Variants in USP53 observed in about 807,000 individuals in gnomAD.
USP53 encodes ubiquitin carboxyl-terminal hydrolase 53.
In USP53, 71 loss-of-function variants were observed where a neutral mutation model predicts 94.9. The observed-to-expected ratio is 0.75, with a 90% CI of 0.62 to 0.91. USP53 has a LOEUF of 0.91. Among genes scored for constraint, USP53 ranks in the 40% least tolerant of loss-of-function variants. The pLI is 0.00. For missense variants in USP53, 1,173 were observed against 1,281.0 expected (o/e 0.92, Z 1.29); for synonymous variants, 375 against 422.7 (o/e 0.89, Z 1.39).
intron 16 of USP53, chr4:119,273,358 T>C: frequency 4.4e-6 from 1 of 226,366 alleles, no homozygotes; most frequent in Non-Finnish European, 8.6e-6. Context: ...TTATAATTCT[T>C]CTTGGAATGG....
At position 119,282,127 on chromosome 4, in the gene USP53, T is replaced by C. The variant is rs1753576974; in HGVS notation, c.2251+8419T>C. 2.0e-5 allele frequency among the ~76,000 whole-genome samples: 3 copies of C among 152,158 alleles called. No individual in the cohort carries two copies. The South Asian group carries it at 6.2e-4, about 32-fold the overall frequency. ...GCATGATGACTTCAGGGTTCCTCCATGTTGTAGATGTATCAGAATCTCATT... is the reference window on the plus strand; with the variant it reads ...GCATGATGACTTCAGGGTTCCTCCACGTTGTAGATGTATCAGAATCTCATT... On this transcript the variant is annotated intron_variant, in intron 17 of 18. Transcript: ENST00000692078.
rs112013668 is a variant in USP53 at position 119,215,962 on chromosome 4, A to G, written c.-788-1588A>G. Among the ~76,000 whole-genome samples, 1,158 of 152,340 alleles carry G rather than the reference A, an allele frequency of 7.6e-3. 15 individuals carry two copies. Among genetic ancestry groups the G allele is most frequent in the African/African-American group, 0.027 (1,104 of 41,568 alleles). On this transcript the variant is annotated intron_variant, in intron 2 of 18. Coordinates refer to ENST00000692078, the MANE Select transcript of USP53 (RefSeq NM_001371395.1). ...CATATTACAAAAAAGAAGTTTTAAG[A>G]AATACCCTTCCTTTGGAAGTTTTTT...
At chr4:119,232,531 A>G (rs1746200680) in intron 3 of USP53, among the ~76,000 whole-genome samples, 1 of 152,098 alleles carries the variant, frequency 6.6e-6, no homozygotes, top group Non-Finnish European at 1.5e-5. Context: ...TTGTTTATCC[A>G]TTGATTGGTT....
At chr4:119,220,331 ACT>A (rs1744345119) in intron 3 of USP53, 1 of 152,248 alleles carries the variant, frequency 6.6e-6, no homozygotes, top group South Asian at 2.1e-4. Context: ...TGCACTATTA[ACT>A]CTTTTAGGAA....
chr4:119,286,371 T>A (rs1182698689), intron 17 of USP53, among the ~76,000 whole-genome samples: 1 of 151,892 alleles, frequency 6.6e-6, no homozygotes, highest in Non-Finnish European at 1.5e-5. Flanking sequence ...ACTGAGTTTT[T>A]TTTTTCTGTG....
intron 17 of USP53, among the ~76,000 whole-genome samples, chr4:119,285,541 G>C (rs1441416771): frequency 6.6e-6 from 1 of 151,768 alleles, no homozygotes; most frequent in African/African-American, 2.4e-5. Flanking sequence ...TTAAAAATCT[G>C]TTAAGTCCCT....
chr4:119,248,312 G>A (rs1748520206), intron 6 of USP53, among the ~76,000 whole-genome samples: 1 of 148,188 alleles, frequency 6.7e-6, no homozygotes, highest in Non-Finnish European at 1.5e-5. Flanking sequence ...GGTGGGACCT[G>A]GGAACCCTAT....
intron 3 of USP53, among the ~76,000 whole-genome samples, chr4:119,232,271 C>T (rs985235471): frequency 3.3e-5 from 5 of 152,108 alleles, no homozygotes; most frequent in African/African-American, 9.7e-5. Context: ...CTATCTTTAA[C>T]GATCACCCCT....
At chr4:119,222,104 G>GAT (rs1744614338) in intron 3 of USP53, among the ~76,000 whole-genome samples, 1 of 152,000 alleles carries the variant, frequency 6.6e-6, no homozygotes, top group African/African-American at 2.4e-5. Context: ...TATGATGGTG[G>GAT]ATATAGGTTT....
At position 119,292,987 on chromosome 4, in the gene USP53, T is replaced by A; in HGVS notation, c.2998T>A (p.Ser1000Thr). 6.2e-7 allele frequency: 1 copy of A among 1,614,148 alleles called. No individual in the cohort carries two copies. The highest frequency in any genetic ancestry group is 8.5e-7 in the Non-Finnish European group (1 of 1,179,986). ...TTTTGGCAACACACCAAACTGTCCA[T>A]CCAGCTCCTCAACTAACGATTTTCA... ...ECFGNTPNCP[S>T]SSSTNDFQAN... Residue 1000 changes from serine (S) to threonine (T), a missense_variant, in exon 19 of 19, where the codon TCC (serine) becomes ACC (threonine). Ser to Thr is a moderately conservative substitution (Grantham distance 58). Coordinates refer to ENST00000692078, the MANE Select transcript of USP53 (RefSeq NM_001371395.1).
intron 6 of USP53, among the ~76,000 whole-genome samples, chr4:119,247,092 C>T (rs187799187): frequency 1.4e-4 from 22 of 152,128 alleles, no homozygotes; most frequent in Admixed American, 7.2e-4. Flanking sequence ...AAGAATGAAC[C>T]TAGATCACAT....
chr4:119,249,084 TTTG>T (rs1204841531), intron 7 of USP53, among the ~76,000 whole-genome samples: 1 of 152,252 alleles, frequency 6.6e-6, no homozygotes, highest in Non-Finnish European at 1.5e-5. Flanking sequence ...TTTGATTATT[TTTG>T]TTGCTCTAAT....
intron 11 of USP53, among the ~76,000 whole-genome samples, chr4:119,261,027 T>C (rs1441734045): frequency 6.9e-6 from 1 of 145,244 alleles, no homozygotes; most frequent in African/African-American, 2.5e-5. Context: ...TGGTGCAATC[T>C]TGGCTCACTA....
Position 119,256,507 on chromosome 4 carries a change from T to A in USP53, c.553T>A (p.Ser185Thr). The A allele has an allele frequency of 6.2e-7, 1 of 1,614,138 alleles. No individual in the cohort carries two copies. The highest frequency in any genetic ancestry group is 8.5e-7 in the Non-Finnish European group (1 of 1,179,996). The change falls in exon 9 of 19, where the codon TCT (serine) becomes ACT (threonine). Residue 185 changes from serine (S) to threonine (T), a missense_variant. By Grantham distance (58) the Ser-to-Thr change is moderately conservative (BLOSUM62 1). Coordinates refer to ENST00000692078, the MANE Select transcript of USP53 (RefSeq NM_001371395.1). ...LPFTEFVRYI[S>T]TTALCNEVER... is the part of the protein sequence containing the mutation. ...TTTTACAGAATTTGTGCGGTACATTTCTACAACAGCCTTATGGTAAGAACC... is the reference window on the plus strand; with the variant it reads ...TTTTACAGAATTTGTGCGGTACATTACTACAACAGCCTTATGGTAAGAACC...
intron 9 of USP53, among the ~76,000 whole-genome samples, chr4:119,258,301 T>C (rs1750030954): frequency 6.6e-6 from 1 of 152,212 alleles, no homozygotes; most frequent in South Asian, 2.1e-4. Flanking sequence ...TAGGGCTTTC[T>C]AGTGTACTCT....
At chr4:119,244,357 T>C (rs568866815) in intron 5 of USP53, among the ~76,000 whole-genome samples, 36 of 152,138 alleles carry the variant, frequency 2.4e-4, no homozygotes, top group Non-Finnish European at 4.7e-4. Flanking sequence ...ATAGGAAATA[T>C]TAAAGCCAGT....
chr4:119,269,862 AT>A (rs1207066134), intron 15 of USP53, 25 bp downstream of exon 15: 8 of 1,324,196 alleles, frequency 6.0e-6, no homozygotes, highest in Non-Finnish European at 7.8e-6. Flanking sequence ...TGTACTATTG[AT>A]TTTAAAAGGA....
In USP53 at chr4:119,291,197, G is replaced by T; in HGVS notation, c.2284G>T (p.Gly762Cys). Reference protein sequence around the residue: ...FRKELRNLEAGYKSHEFHPES... With the variant: ...FRKELRNLEACYKSHEFHPES... ...AAAAGAACTCAGGAATTTGGAAGCA[G>T]GCTATAAATCTCATGAATTCCACCC... The change falls in exon 18 of 19, where the codon GGC (glycine) becomes TGC (cysteine). Residue 762 changes from glycine to cysteine, a missense_variant. Gly to Cys is a radical substitution (Grantham distance 159). Transcript: ENST00000692078. 1 of 1,399,908 alleles carries T rather than the reference G, an allele frequency of 7.1e-7. No individual in the cohort carries two copies. Among genetic ancestry groups the T allele is most frequent in the Non-Finnish European group, 9.5e-7 (1 of 1,052,570 alleles). The allele number at this position is 1,399,908 out of a possible 1,614,324, so 86.7% of individuals were successfully genotyped here.
chr4:119,225,608 TG>T (rs1231773107), intron 3 of USP53, among the ~76,000 whole-genome samples: 2 of 150,604 alleles, frequency 1.3e-5, no homozygotes, highest in African/African-American at 4.9e-5. Context: ...TAGCCGGGCG[TG>T]GTGGCGGGCG....
Sources: gnomAD v4.1 joint callset for allele counts (sites outside exome capture counted in the v4.1 genomes callset) on GRCh38, gnomAD v4.1.1 for gene constraint, MANE v1.5 for transcripts, NCBI Gene and HGNC (gene_info 2026-07-23, HGNC 2026-07-21) for gene names.